NHSL1: variants seen among roughly 807,000 people sequenced by gnomAD.
NHSL1 encodes the protein NHS like 1, also known as NHS-like protein 1.
In NHSL1, 48 loss-of-function variants were observed where a neutral mutation model predicts 95.0. The observed-to-expected ratio is 0.51, with a 90% confidence interval of 0.40 to 0.64. The LOEUF is 0.64. Among genes scored for constraint, NHSL1 ranks in the 30% least tolerant of loss-of-function variants. The probability of loss-of-function intolerance (pLI) is 0.00; values close to 1 mark genes in which losing one functional copy is unlikely to be tolerated. For missense variants in NHSL1, 1,971 were observed against 2,077.7 expected, an observed-to-expected ratio of 0.95 and a Z score of 1.00; for synonymous variants, 783 against 833.9, an observed-to-expected ratio of 0.94 and a Z score of 1.05.
chr6:138,429,571 C>A, intron 7 of NHSL1, 140 bp downstream of exon 7: 1 of 722,994 alleles, frequency 1.4e-6, no homozygotes, highest in Non-Finnish European at 2.2e-6. Flanking sequence ...TGTAGAAACC[C>A]ACTAAAAAAT....
chr6:138,612,178 G>A (rs951681969), intron 1 of NHSL1, among the ~76,000 whole-genome samples: 1 of 150,332 alleles, frequency 6.7e-6, no homozygotes, highest in Admixed American at 6.6e-5. Flanking sequence ...GGGTATATTA[G>A]TATTGCCACT....
At chr6:138,449,537 C>T (rs151331592) in intron 3 of NHSL1, among the ~76,000 whole-genome samples, 396 of 152,124 alleles carry the variant, frequency 2.6e-3, no homozygotes, top group Non-Finnish European at 4.2e-3. Context: ...ATTAGCTGGG[C>T]GTGGTGGTGT....
intron 1 of NHSL1, among the ~76,000 whole-genome samples, chr6:138,521,067 A>T (rs1781659544): frequency 6.6e-6 from 1 of 152,180 alleles, no homozygotes; most frequent in Admixed American, 6.5e-5. Flanking sequence ...TATTCCAGAT[A>T]AACTTTCTGC....
At chr6:138,442,294 G>C (rs1776580971) in intron 4 of NHSL1, among the ~76,000 whole-genome samples, 180 bp from the exon 5 acceptor site, 1 of 152,224 alleles carries the variant, frequency 6.6e-6, no homozygotes, top group Non-Finnish European at 1.5e-5. Context: ...CAGTAAGGCT[G>C]TTTTCCAAGT....
intron 3 of NHSL1, among the ~76,000 whole-genome samples, chr6:138,460,249 A>C (rs1562292906): frequency 1.3e-5 from 2 of 152,018 alleles, no homozygotes. Context: ...TATGGTAATC[A>C]CTCTGATAAA....
chr6:138,460,377 G>C (rs553784813), intron 3 of NHSL1, among the ~76,000 whole-genome samples: 1 of 147,976 alleles, frequency 6.8e-6, no homozygotes, highest in East Asian at 1.9e-4. Context: ...CCTCTATAAC[G>C]TGGGGTTCTG....
chr6:138,540,377 G>A (rs1782532842), intron 1 of NHSL1, among the ~76,000 whole-genome samples: 1 of 152,174 alleles, frequency 6.6e-6, no homozygotes, highest in African/African-American at 2.4e-5. Context: ...CATAAACTTT[G>A]CTCACTGATT....
rs1583309672 is a variant in NHSL1 at position 138,499,436 on chromosome 6, T to C, written c.-146A>G. 4 of 1,425,334 alleles carry C rather than the reference T, an allele frequency of 2.8e-6. No individual in the cohort carries two copies. The highest frequency in any genetic ancestry group is 3.7e-6 in the Non-Finnish European group (4 of 1,082,978). 88.3% of individuals were successfully genotyped at this position (1,425,334 alleles called of 1,614,324 possible). A position where few individuals can be genotyped will look rare whatever the true frequency, so the allele number is the denominator to read the frequency against. ...ATCCTTAGACATCTGCCCAGGCTGATGTAACTGAGGTTGAGTTTATTGTCA... is the reference window on the plus strand; with the variant it reads ...ATCCTTAGACATCTGCCCAGGCTGACGTAACTGAGGTTGAGTTTATTGTCA... On this transcript the variant is annotated 5_prime_UTR_variant, in exon 1 of 8. Transcript: ENST00000343505.
rs761659131 is a variant in NHSL1 at position 138,432,928 on chromosome 6, C to G, written c.1417G>C (p.Glu473Gln). The change falls in exon 6 of 8, where the codon GAG becomes CAG. Residue 473 changes from glutamate to glutamine, a missense_variant. This residue lies in a region of NHSL1 where 1,602 missense variants were observed against 1,654.5 expected (regional missense o/e 0.97). Coordinates refer to ENST00000343505, the MANE Select transcript of NHSL1 (RefSeq NM_001144060.2). The surrounding 1 kb of genome is among the most constrained non-coding windows in gnomAD (Gnocchi z 4.4). ...DPQSPGRHWN[E>Q]GHATILSQDL... is the part of the protein sequence containing the mutation. ...TGTGAAAGAATGGTGGCATGGCCCTCATTCCAGTGGCGACCGGGAGACTGA... is the reference window on the plus strand; with the variant it reads ...TGTGAAAGAATGGTGGCATGGCCCTGATTCCAGTGGCGACCGGGAGACTGA... The G allele has an allele frequency of 6.4e-7, 1 of 1,551,580 alleles. No homozygotes were observed. The highest frequency in any genetic ancestry group is 2.4e-5 in the East Asian group (1 of 40,910).
chr6:138,617,836 C>A (rs1254374742), intron 1 of NHSL1, among the ~76,000 whole-genome samples: 1 of 152,216 alleles, frequency 6.6e-6, no homozygotes, highest in Non-Finnish European at 1.5e-5. Context: ...CACAGTCCAT[C>A]ACTGTTCCAA....
intron 7 of NHSL1, 132 bp downstream of exon 7, chr6:138,429,579 A>G (rs1280488775): frequency 5.2e-5 from 41 of 789,160 alleles, no homozygotes; most frequent in Non-Finnish European, 7.1e-5. Context: ...CCCACTAAAA[A>G]ATCAACAGTA....
At chr6:138,451,394 C>T (rs1471161007) in intron 3 of NHSL1, among the ~76,000 whole-genome samples, 3 of 152,164 alleles carry the variant, frequency 2.0e-5, no homozygotes, top group Non-Finnish European at 4.4e-5. Context: ...ATTTCAACCT[C>T]TTTCTAATAT....
intron 3 of NHSL1, chr6:138,464,502 A>G (rs571571955): frequency 1.4e-5 from 3 of 212,516 alleles, no homozygotes; most frequent in Non-Finnish European, 2.8e-5. Context: ...GTCCACTAAC[A>G]TCTCAGCAGC....
chr6:138,639,797 C>CA (rs56909767), intron 1 of NHSL1, among the ~76,000 whole-genome samples: 7,109 of 22,546 alleles, frequency 0.32, 2,441 homozygotes, highest in East Asian at 0.59. Context: ...GACTCAGTCT[C>CA]AAAAAAAAAA....
intron 1 of NHSL1, among the ~76,000 whole-genome samples, chr6:138,507,256 G>GT (rs1004163995): frequency 6.6e-6 from 1 of 151,932 alleles, no homozygotes; most frequent in Non-Finnish European, 1.5e-5. Flanking sequence ...GTAAATCAAA[G>GT]TTTTTTTTGA....
chr6:138,599,448 G>A (rs1213748651), intron 1 of NHSL1, among the ~76,000 whole-genome samples: 3 of 152,118 alleles, frequency 2.0e-5, no homozygotes, highest in Non-Finnish European at 2.9e-5. Context: ...GGAGACTGAG[G>A]CTGCAGTGAG....
rs1344509854 is a variant in NHSL1 at position 138,564,420 on chromosome 6, C to T, written c.202+7290G>A. Among the ~76,000 whole-genome samples, 5 of 152,262 alleles carry T rather than the reference C, an allele frequency of 3.3e-5. No individual in the cohort carries two copies. The South Asian group carries it at 1.0e-3, about 32-fold the overall frequency. ...TCAAGCCAAGCCTGTAATCCGAGCA[C>T]TTTGGGAAGCCGAGGCAGGTGGATC... On this transcript the variant is annotated intron_variant, in intron 1 of 6. Coordinates refer to the NHSL1 transcript ENST00000427025.
At chr6:138,632,484 T>G (rs1784832189) in intron 1 of NHSL1, among the ~76,000 whole-genome samples, 1 of 152,186 alleles carries the variant, frequency 6.6e-6, no homozygotes, top group Admixed American at 6.6e-5. Context: ...AAAGGGGTGC[T>G]GTGTCACTCC....
chr6:138,598,167 T>A (rs540196233), intron 1 of NHSL1, among the ~76,000 whole-genome samples: 13 of 152,060 alleles, frequency 8.5e-5, no homozygotes, highest in East Asian at 7.7e-4. Context: ...AATAATTTTT[T>A]AAAAAATTAG....
Sources: gnomAD v4.1 joint callset for allele counts (sites outside exome capture counted in the v4.1 genomes callset) on GRCh38, gnomAD v4.1.1 for gene constraint, gnomAD v4.1.1 regional missense constraint, Gnocchi (gnomAD v3.1) non-coding constraint, MANE v1.5 for transcripts, NCBI Gene and HGNC (gene_info 2026-07-23, HGNC 2026-07-21) for gene names.